PREX2: variants seen among roughly 807,000 people sequenced by gnomAD.
The protein encoded by PREX2 is phosphatidylinositol-3,4,5-trisphosphate dependent Rac exchange factor 2.
Under a neutral mutation model 203.2 loss-of-function variants are expected in PREX2, and 107 were observed. The observed-to-expected ratio is 0.53, with a 90% CI of 0.45 to 0.62. The LOEUF (loss-of-function observed/expected upper bound fraction) is 0.62, where lower values mean the gene tolerates loss of function less well. Among genes scored for constraint, PREX2 ranks in the 20% least tolerant of loss-of-function variants. The probability of loss-of-function intolerance (pLI) is 0.00; values close to 1 mark genes in which losing one functional copy is unlikely to be tolerated. For synonymous variants in PREX2, 672 were observed against 663.6 expected, an observed-to-expected ratio of 1.01 and a Z score of -0.19; for missense variants, 1,777 against 1,955.9, an observed-to-expected ratio of 0.91 and a Z score of 1.72.
rs537249024 is a variant in PREX2, at chr8:68,080,817, A to G, written c.1857A>G (p.Val619=). Residue 619 remains valine, a synonymous_variant, in exon 17 of 40, where the codon GTA becomes GTG. Transcript: ENST00000288368. ...DKNKVPIIKL[V]EKGSNAEMAG... is the part of the protein sequence containing the mutation. ...ATAAAGTTCCAATAATAAAGTTGGTAGAAAAGGGATCTAATGCTGAGGTAA... is the reference window on the plus strand; with the variant it reads ...ATAAAGTTCCAATAATAAAGTTGGTGGAAAAGGGATCTAATGCTGAGGTAA... The G allele has an allele frequency of 3.9e-6, 6 of 1,530,952 alleles. No individual in the cohort carries two copies. The African/African-American group carries it at 8.2e-5, about 21-fold the overall frequency. 94.8% of individuals were successfully genotyped at this position (1,530,952 alleles called of 1,614,324 possible).
At chr8:68,121,407 A>C (rs949652603) in intron 30 of PREX2, among the ~76,000 whole-genome samples, 2 of 152,144 alleles carry the variant, frequency 1.3e-5, no homozygotes, top group Admixed American at 1.3e-4. Context: ...ATCCACAAAA[A>C]AAAAATCAGT....
intron 1 of PREX2, among the ~76,000 whole-genome samples, chr8:68,011,325 A>G (rs1191672621): frequency 6.6e-6 from 1 of 152,172 alleles, no homozygotes; most frequent in Non-Finnish European, 1.5e-5. Context: ...AAAAGTTGTG[A>G]GTCAAAAGGA....
chr8:68,181,530 T>A (rs1241820874), intron 35 of PREX2, among the ~76,000 whole-genome samples: 1 of 152,096 alleles, frequency 6.6e-6, no homozygotes, highest in African/African-American at 2.4e-5. Flanking sequence ...AGAGACCTGG[T>A]TTGTCTTTCT....
At chr8:68,122,940 A>G (rs1014608404) in intron 30 of PREX2, among the ~76,000 whole-genome samples, 1 of 151,972 alleles carries the variant, frequency 6.6e-6, no homozygotes, top group African/African-American at 2.4e-5. Context: ...CATCGATTTT[A>G]GTGTATGTGC....
At chr8:68,061,193 G>T (rs77358060) in intron 11 of PREX2, among the ~76,000 whole-genome samples, 2,000 of 152,274 alleles carry the variant, frequency 0.013, 44 homozygotes, top group African/African-American at 0.045. Flanking sequence ...CTCCGGCACG[G>T]TGGCGGGTGA....
intron 1 of PREX2, among the ~76,000 whole-genome samples, chr8:67,998,786 A>G (rs912840009): frequency 1.3e-5 from 2 of 152,184 alleles, no homozygotes; most frequent in Non-Finnish European, 2.9e-5. Flanking sequence ...AAAAACAAAC[A>G]AACAAAAATT....
intron 1 of PREX2, among the ~76,000 whole-genome samples, chr8:67,978,050 A>G (rs572299650): frequency 6.6e-6 from 1 of 152,324 alleles, no homozygotes; most frequent in South Asian, 2.1e-4. Flanking sequence ...TCAGAAACAC[A>G]GGTCACAACC....
intron 32 of PREX2, among the ~76,000 whole-genome samples, chr8:68,136,642 C>A (rs1205466081): frequency 6.6e-6 from 1 of 152,210 alleles, no homozygotes; most frequent in Non-Finnish European, 1.5e-5. Flanking sequence ...AGGGTCATGA[C>A]ATTTTTTTGC....
intron 8 of PREX2, among the ~76,000 whole-genome samples, chr8:68,051,488 G>A (rs761002981): frequency 6.6e-5 from 10 of 152,254 alleles, no homozygotes; most frequent in South Asian, 6.2e-4. Flanking sequence ...GTTACAAGTG[G>A]TTAGGGTTGG....
At chr8:68,185,263 A>C (rs1812167225) in intron 35 of PREX2, among the ~76,000 whole-genome samples, 2 of 152,076 alleles carry the variant, frequency 1.3e-5, no homozygotes. Context: ...AGTTAATTAC[A>C]AATCTTTGGT....
intron 9 of PREX2, among the ~76,000 whole-genome samples, chr8:68,053,805 C>A (rs1808594886): frequency 6.6e-6 from 1 of 152,042 alleles, no homozygotes; most frequent in African/African-American, 2.4e-5. Context: ...ATAATGTAAC[C>A]CAATTAGTTG....
Position 67,975,272 on chromosome 8 carries a change from GTTTTTTTT to G in PREX2, c.141+22757_141+22764del, listed in dbSNP as rs75276095. Among the ~76,000 whole-genome samples the G allele has an allele frequency of 1.6e-3, 156 of 96,832 alleles. 10 individuals carry two copies. The highest frequency in any genetic ancestry group is 5.3e-3 in the East Asian group (20 of 3,794). 63.5% of individuals were successfully genotyped at this position (96,832 alleles called of 152,430 possible). On this transcript the variant is annotated intron_variant, in intron 1 of 39. Coordinates refer to ENST00000288368, the MANE Select transcript of PREX2 (RefSeq NM_024870.4). ...GGCTGATGTTACCTGCACACGGCCT[GTTTTTTTT>G]TTTTTTTTTTTTTTTTTTTGGTGTG...
intron 14 of PREX2, among the ~76,000 whole-genome samples, chr8:68,074,363 A>G (rs911710602): frequency 4.6e-5 from 7 of 152,198 alleles, no homozygotes; most frequent in Admixed American, 1.3e-4. Context: ...CTCACAACCT[A>G]GTGTCTGATG....
chr8:68,005,963 T>C (rs955943746), intron 1 of PREX2, among the ~76,000 whole-genome samples: 9 of 152,260 alleles, frequency 5.9e-5, no homozygotes, highest in Non-Finnish European at 1.3e-4. Flanking sequence ...ATACAGATAA[T>C]TTCAGGACAT....
At position 68,204,646 on chromosome 8, in the gene PREX2, CTCTGCTTTCTT is replaced by C. The variant is rs1253285751; in HGVS notation, c.4604+12123_4604+12133del. On this transcript the variant is annotated intron_variant, in intron 37 of 39. Coordinates refer to ENST00000288368, the MANE Select transcript of PREX2 (RefSeq NM_024870.4). Reference sequence around the variant, plus strand: ...CAGGGCTACTTTCTGCCTGCTTTCCCTCTGCTTTCTTTTCTTTTTTCTTTCTTCTTTCTTTT... The same window carrying C: ...CAGGGCTACTTTCTGCCTGCTTTCCCTTCTTTTTTCTTTCTTCTTTCTTTT... Among the ~76,000 whole-genome samples the C allele has an allele frequency of 2.7e-5, 4 of 150,246 alleles. 1 individual carries two copies. Among genetic ancestry groups the C allele is most frequent in the African/African-American group, 9.8e-5 (4 of 40,866 alleles).
intron 23 of PREX2, chr8:68,103,698 C>G (rs1001378876): frequency 7.7e-6 from 4 of 519,390 alleles, no homozygotes; most frequent in African/African-American, 7.7e-5. Flanking sequence ...TGATAGCATT[C>G]CTTGTCTTAG....
chr8:68,132,171 T>C (rs973583103), intron 31 of PREX2, among the ~76,000 whole-genome samples: 6 of 152,146 alleles, frequency 3.9e-5, no homozygotes, highest in Non-Finnish European at 8.8e-5. Flanking sequence ...TATTTATTTT[T>C]AGTGCCACTG....
chr8:68,181,737 ATTGT>A (rs778597006), intron 35 of PREX2, among the ~76,000 whole-genome samples: 72 of 152,150 alleles, frequency 4.7e-4, no homozygotes, highest in African/African-American at 1.7e-3. Context: ...GTCCTTGGAA[ATTGT>A]TTGGAGCTAT....
At chr8:68,170,701 G>A (rs1301647864) in intron 35 of PREX2, among the ~76,000 whole-genome samples, 1 of 152,154 alleles carries the variant, frequency 6.6e-6, no homozygotes, top group Non-Finnish European at 1.5e-5. Flanking sequence ...TTCAGGGGAT[G>A]GGGCATTTTT....
Sources: gnomAD v4.1 joint callset for allele counts (sites outside exome capture counted in the v4.1 genomes callset) on GRCh38, gnomAD v4.1.1 for gene constraint, MANE v1.5 for transcripts, NCBI Gene and HGNC (gene_info 2026-07-23, HGNC 2026-07-21) for gene names.